The following TASOR variants were observed in gnomAD, a reference collection of about 807,000 sequenced individuals.
TASOR encodes the protein transcription activation suppressor.
A neutral mutation model predicts 178.6 loss-of-function variants in TASOR; 53 were observed. The ratio of observed to expected loss-of-function variants is 0.30; its 90% CI spans 0.24 to 0.37. The LOEUF (loss-of-function observed/expected upper bound fraction) is 0.37, where lower values mean the gene tolerates loss of function less well. TASOR is among the 10% of genes least tolerant of loss of function. The pLI is 1.00. For missense variants in TASOR, 1,815 were observed against 1,971.4 expected (o/e 0.92, Z 1.50); for synonymous variants, 713 against 696.2 (o/e 1.02, Z -0.38).
At chr3:56,661,220 C>T (rs892361060) in intron 9 of TASOR, among the ~76,000 whole-genome samples, 3 of 152,238 alleles carry the variant, frequency 2.0e-5, no homozygotes, top group Non-Finnish European at 4.4e-5. Flanking sequence ...GATCACAGCT[C>T]ACTGCAGCTT....
intron 3 of TASOR, among the ~76,000 whole-genome samples, chr3:56,671,146 C>T (rs1294825827): frequency 6.6e-6 from 1 of 151,952 alleles, no homozygotes; most frequent in Non-Finnish European, 1.5e-5. Context: ...CAAGACCAGC[C>T]TGGCCCACAT....
intron 11 of TASOR, among the ~76,000 whole-genome samples, chr3:56,653,828 A>G (rs1441050586): frequency 6.6e-6 from 1 of 152,206 alleles, no homozygotes; most frequent in Non-Finnish European, 1.5e-5. Flanking sequence ...AAAAATTGGA[A>G]ACTAAAAAAT....
At position 56,630,751 on chromosome 3, in the gene TASOR, A is replaced by C. The variant is rs966037816; in HGVS notation, c.3748-2137T>G. On this transcript the variant is annotated intron_variant, in intron 18 of 23. Coordinates refer to ENST00000683822, the MANE Select transcript of TASOR (RefSeq NM_001365635.2). Reference sequence around the variant, plus strand: ...TCCCAGCTATTTGGGAGGATGAGGCAGGAGAATTGCTTGACCCCAGAAGGC... The same window carrying C: ...TCCCAGCTATTTGGGAGGATGAGGCCGGAGAATTGCTTGACCCCAGAAGGC... Among the ~76,000 whole-genome samples the C allele has an allele frequency of 2.0e-5, 3 of 152,294 alleles. No individual in the cohort carries two copies. In the East Asian group the frequency reaches 5.8e-4, roughly 29 times the overall value.
intron 20 of TASOR, 150 bp from the exon 21 acceptor site, chr3:56,627,295 A>G: frequency 1.6e-6 from 1 of 627,774 alleles, no homozygotes; most frequent in Non-Finnish European, 2.8e-6. Context: ...ACAGATCTAT[A>G]CATGCCTAAA....
chr3:56,678,780 G>A (rs1215498205), intron 1 of TASOR, among the ~76,000 whole-genome samples: 1 of 152,146 alleles, frequency 6.6e-6, no homozygotes, highest in East Asian at 1.9e-4. Flanking sequence ...GGAGGCCAAG[G>A]AGGGCGGATC....
Position 56,631,618 on chromosome 3 carries a change from C to T in TASOR, c.3747+1426G>A, listed in dbSNP as rs369338013. 3.0e-3 allele frequency among the ~76,000 whole-genome samples: 423 copies of T among 141,834 alleles called. 3 individuals are homozygous for T. Among genetic ancestry groups the T allele is most frequent in the African/African-American group, 0.01 (394 of 37,748 alleles). 93.0% of individuals were successfully genotyped at this position (141,834 alleles called of 152,430 possible). On this transcript the variant is annotated intron_variant, in intron 18 of 23. Coordinates refer to ENST00000683822, the MANE Select transcript of TASOR (RefSeq NM_001365635.2). ...TTTTTTTTTGAGATGGAGTCTTGCT[C>T]TGTCGCCCAGGCTGGAGTGCACTGG...
intron 13 of TASOR, among the ~76,000 whole-genome samples, chr3:56,647,618 A>C (rs887980930): frequency 3.3e-5 from 5 of 152,234 alleles, no homozygotes; most frequent in African/African-American, 1.2e-4. Flanking sequence ...TCTTCCTCTT[A>C]TAAAGTAGTA....
At position 56,662,389 on chromosome 3, in the gene TASOR, T is replaced by C. The variant is rs1397559249; in HGVS notation, c.1156A>G (p.Lys386Glu). The stretch of plus-strand genomic sequence containing the variant: ...CTGCTCTTTACTTATACTTACAGTT[T>C]GATAGGCAAAAAAGCACGAGTGGCT... ...RSATRAFLPI[K>E]LPEKLDVETV... Residue 386 changes from lysine to glutamate, a missense_variant, in exon 9 of 24, where the codon AAA becomes GAA. Lys to Glu is a moderately conservative substitution (Grantham distance 56). Transcript: ENST00000683822. The C allele has an allele frequency of 2.0e-6, 3 of 1,534,566 alleles. No individual in the cohort carries two copies. Among genetic ancestry groups the C allele is most frequent in the Non-Finnish European group, 2.6e-6 (3 of 1,132,340 alleles).
In TASOR at chr3:56,641,294, CCT is replaced by C. The variant is rs1240425632; in HGVS notation, c.2619+53_2619+54del. 9 of 1,485,410 alleles carry C rather than the reference CCT, an allele frequency of 6.1e-6. No homozygotes were observed. In the East Asian group the frequency reaches 2.1e-4, roughly 34 times the overall value. 92.0% of individuals were successfully genotyped at this position (1,485,410 alleles called of 1,614,324 possible). A position where few individuals can be genotyped will look rare whatever the true frequency, so the allele number is the denominator to read the frequency against. ...CATTCCCTGAAGCATACTCACAGCA[CCT>C]CTTTCACACACACACTCACAAACAC... On this transcript the variant is annotated intron_variant, in intron 15 of 23. Transcript: ENST00000683822.
chr3:56,669,717 TAAC>T lies in TASOR; in HGVS notation c.715_717del (p.Val239del), dbSNP rs1186732644. The stretch of plus-strand genomic sequence containing the variant: ...TAAATTACCTTCATTATTTTAAAAA[TAAC>T]AACATCACCCATTGCCCCCGTGTCC... On this transcript the variant is annotated inframe_deletion, in exon 5 of 24. Transcript: ENST00000683822. 4 of 1,545,264 alleles carry T rather than the reference TAAC, an allele frequency of 2.6e-6. No individual in the cohort carries two copies. Among genetic ancestry groups the T allele is most frequent in the Non-Finnish European group, 1.7e-6 (2 of 1,143,508 alleles).
At chr3:56,673,446 A>AC in intron 2 of TASOR, 134 bp downstream of exon 2, 2 of 651,556 alleles carry the variant, frequency 3.1e-6, no homozygotes, top group Non-Finnish European at 4.6e-6. Context: ...AAAAAAAAAA[A>AC]AAAAAAAAAA....
intron 18 of TASOR, 28 bp downstream of exon 18, chr3:56,633,016 C>T (rs1482668639): frequency 2.0e-6 from 3 of 1,486,586 alleles, no homozygotes; most frequent in African/African-American, 1.4e-5. Context: ...GTTTGTACAG[C>T]ATTACTATTA....
At position 56,624,814 on chromosome 3, in the gene TASOR, A is replaced by C. The variant is rs1307779330; in HGVS notation, c.4318+14T>G. ...CTATATTCATAGTAGAAAGCTTAGG[A>C]GTGCTCTCTTTACCTGTTAAAAAGA... On this transcript the variant is annotated intron_variant, in intron 22 of 23. Transcript: ENST00000683822. 6.2e-6 allele frequency: 10 copies of C among 1,612,676 alleles called. No individual in the cohort carries two copies. The highest frequency in any genetic ancestry group is 8.5e-6 in the Non-Finnish European group (10 of 1,179,044).
chr3:56,662,980 A>C (rs541432531), intron 8 of TASOR, among the ~76,000 whole-genome samples: 1 of 152,236 alleles, frequency 6.6e-6, no homozygotes, highest in South Asian at 2.1e-4. Context: ...GGAGTTCGAG[A>C]CCAGCCTGGC....
intron 11 of TASOR, among the ~76,000 whole-genome samples, chr3:56,659,384 A>G (rs1343630496): frequency 6.6e-6 from 1 of 152,156 alleles, no homozygotes; most frequent in East Asian, 1.9e-4. Flanking sequence ...CTTCTCTCCA[A>G]CCACCTCCTC....
At chr3:56,666,788 C>T (rs562818284) in intron 6 of TASOR, among the ~76,000 whole-genome samples, 3 of 152,290 alleles carry the variant, frequency 2.0e-5, no homozygotes, top group South Asian at 4.1e-4. Context: ...AAGAAAAACA[C>T]ACCTGGGCTC....
intron 3 of TASOR, chr3:56,671,389 A>AG: frequency 2.1e-6 from 1 of 466,640 alleles, no homozygotes; most frequent in Non-Finnish European, 3.8e-6. Context: ...AGCACATTCT[A>AG]GGGGAAGAAA....
Position 56,641,336 on chromosome 3 carries a change from G to C in TASOR, c.2619+13C>G. The C allele has an allele frequency of 6.3e-7, 1 of 1,576,642 alleles. No individual in the cohort carries two copies. ...CTCACAAACACAAAGGTAACCAACA[G>C]CTATATGCTTACTTCTTTCAAATGT... On this transcript the variant is annotated intron_variant, in intron 15 of 23. Coordinates refer to ENST00000683822, the MANE Select transcript of TASOR (RefSeq NM_001365635.2).
At chr3:56,681,187 A>G (rs2031754780) in intron 1 of TASOR, among the ~76,000 whole-genome samples, 2 of 152,162 alleles carry the variant, frequency 1.3e-5, no homozygotes, top group African/African-American at 4.8e-5. Context: ...GAAGAAAAAA[A>G]ATAGTTCCAC....
Sources: gnomAD v4.1 joint callset for allele counts (sites outside exome capture counted in the v4.1 genomes callset) on GRCh38, gnomAD v4.1.1 for gene constraint, MANE v1.5 for transcripts, NCBI Gene and HGNC (gene_info 2026-07-23, HGNC 2026-07-21) for gene names.